MPPED2: variants seen among roughly 807,000 people sequenced by gnomAD.
MPPED2 encodes metallophosphoesterase MPPED2.
MPPED2 carries 5 observed loss-of-function variants against 33.0 expected under a neutral mutation model. The observed-to-expected ratio is 0.15, with a 90% CI of 0.08 to 0.32. MPPED2 has a LOEUF of 0.32. Ranked by LOEUF, MPPED2 falls within the 10% of genes least tolerant of loss-of-function variation. The pLI is 1.00. For missense variants in MPPED2, 275 were observed against 372.1 expected, an observed-to-expected ratio of 0.74 and a Z score of 2.15; for synonymous variants, 136 against 141.9, an observed-to-expected ratio of 0.96 and a Z score of 0.29.
At chr11:30,461,883 T>C (rs1950529513) in intron 4 of MPPED2, among the ~76,000 whole-genome samples, 1 of 152,208 alleles carries the variant, frequency 6.6e-6, no homozygotes, top group African/African-American at 2.4e-5. Flanking sequence ...AATGAAAACT[T>C]TGCTACGTTC....
At chr11:30,399,458 G>A (rs1947881004) in intron 6 of MPPED2, among the ~76,000 whole-genome samples, 1 of 152,060 alleles carries the variant, frequency 6.6e-6, no homozygotes. Context: ...CCTTTAAATT[G>A]GTATTTTATC....
intron 3 of MPPED2, among the ~76,000 whole-genome samples, chr11:30,519,284 A>T (rs1352876887): frequency 6.6e-6 from 1 of 152,010 alleles, no homozygotes; most frequent in Non-Finnish European, 1.5e-5. Flanking sequence ...CAAACAAACA[A>T]ACAAAATATA....
intron 4 of MPPED2, among the ~76,000 whole-genome samples, chr11:30,422,467 A>C (rs1948654005): frequency 6.6e-6 from 1 of 152,134 alleles, no homozygotes; most frequent in African/African-American, 2.4e-5. Context: ...TGAGAGAAAT[A>C]TCTACACAGA....
At chr11:30,430,349 A>G (rs1392649085) in intron 4 of MPPED2, among the ~76,000 whole-genome samples, 1 of 152,238 alleles carries the variant, frequency 6.6e-6, no homozygotes, top group Non-Finnish European at 1.5e-5. Context: ...ATATTAAAAA[A>G]AAGAATGTGA....
At chr11:30,419,570 T>C (rs1018438620) in intron 4 of MPPED2, among the ~76,000 whole-genome samples, 1 of 152,186 alleles carries the variant, frequency 6.6e-6, no homozygotes, top group Non-Finnish European at 1.5e-5. Flanking sequence ...TGAGTTTCTT[T>C]TGGAGAACCA....
chr11:30,423,111 C>G (rs571621607), intron 4 of MPPED2, among the ~76,000 whole-genome samples: 4 of 152,112 alleles, frequency 2.6e-5, no homozygotes, highest in Non-Finnish European at 4.4e-5. Flanking sequence ...GTACACAGTA[C>G]GGTGGTGCAG....
At chr11:30,543,135 T>C (rs142178064) in intron 2 of MPPED2, among the ~76,000 whole-genome samples, 25 of 152,288 alleles carry the variant, frequency 1.6e-4, no homozygotes, top group African/African-American at 5.8e-4. Context: ...AAAAAATGCA[T>C]ATTACAGGGA....
intron 2 of MPPED2, among the ~76,000 whole-genome samples, chr11:30,559,834 G>C (rs916144940): frequency 6.6e-6 from 1 of 152,018 alleles, no homozygotes; most frequent in Non-Finnish European, 1.5e-5. Flanking sequence ...TTTTCTTTTT[G>C]AAAATAGTCT....
chr11:30,558,050 T>A (rs966465224), intron 2 of MPPED2, among the ~76,000 whole-genome samples: 1 of 152,132 alleles, frequency 6.6e-6, no homozygotes, highest in Non-Finnish European at 1.5e-5. Context: ...CCAAGGACAA[T>A]CCTCAAAAAG....
intron 4 of MPPED2, among the ~76,000 whole-genome samples, chr11:30,431,995 CA>C (rs1289488591): frequency 6.6e-6 from 1 of 151,970 alleles, no homozygotes; most frequent in Non-Finnish European, 1.5e-5. Context: ...GCCAGTATGG[CA>C]AAACCCCATT....
chr11:30,456,175 T>A (rs1246717390), intron 4 of MPPED2, among the ~76,000 whole-genome samples: 2 of 152,186 alleles, frequency 1.3e-5, no homozygotes, highest in Non-Finnish European at 2.9e-5. Context: ...AAATAAGGAA[T>A]GAATGAAGAA....
chr11:30,407,250 C>A (rs934910258), downstream of MPPED2, among the ~76,000 whole-genome samples: 1 of 152,172 alleles, frequency 6.6e-6, no homozygotes, highest in Admixed American at 6.5e-5. Context: ...GAAAAGAATT[C>A]ACTAATTGCA....
At chr11:30,423,641 A>G (rs1007451389) in intron 4 of MPPED2, among the ~76,000 whole-genome samples, 26 of 152,226 alleles carry the variant, frequency 1.7e-4, no homozygotes, top group Non-Finnish European at 2.6e-4. Flanking sequence ...AGACTGGCCA[A>G]TTATTGGCTT....
chr11:30,565,944 T>C (rs1297476323), intron 2 of MPPED2, among the ~76,000 whole-genome samples: 1 of 152,146 alleles, frequency 6.6e-6, no homozygotes, highest in African/African-American at 2.4e-5. Flanking sequence ...TATGACGGTG[T>C]TATCTGTATT....
intron 4 of MPPED2, among the ~76,000 whole-genome samples, chr11:30,443,641 T>C (rs570445883): frequency 6.6e-5 from 10 of 152,292 alleles, no homozygotes; most frequent in Non-Finnish European, 1.0e-4. Context: ...GTTCAAATCA[T>C]GGCTCTGTAG....
Position 30,496,842 on chromosome 11 carries a change from T to A in MPPED2, c.311-1321A>T, listed in dbSNP as rs183837596. On this transcript the variant is annotated intron_variant, in intron 3 of 6. Coordinates refer to ENST00000358117, the MANE Select transcript of MPPED2 (RefSeq NM_001584.3). ...CACATCACAAACATATTTGCTAATA[T>A]TGAAGCAGTTTTTAAGACTGCCAAA... Among the ~76,000 whole-genome samples, 4 of 152,072 alleles carry A rather than the reference T, an allele frequency of 2.6e-5. No homozygotes were observed. The East Asian group carries it at 7.8e-4, about 30-fold the overall frequency.
intron 2 of MPPED2, among the ~76,000 whole-genome samples, 195 bp downstream of exon 2, chr11:30,580,051 T>C (rs911057371): frequency 1.4e-4 from 21 of 152,214 alleles, no homozygotes; most frequent in African/African-American, 5.1e-4. Context: ...TGGTTGAAAG[T>C]GCTCTGAAAA....
chr11:30,483,111 C>T (rs1213980619), intron 4 of MPPED2, among the ~76,000 whole-genome samples: 1 of 152,118 alleles, frequency 6.6e-6, no homozygotes, highest in African/African-American at 2.4e-5. Context: ...GAATTTGCCT[C>T]CGGTAAGAAT....
rs142734541 is a variant in MPPED2 at position 30,527,779 on chromosome 11, C to T, written c.310+8215G>A. On this transcript the variant is annotated intron_variant, in intron 3 of 6. Transcript: ENST00000358117. ...ATGACACAAGAGACTTCAGGGCCACCTTCTCCAAGTTCTCCCCTCCCCCTG... is the reference window on the plus strand; with the variant it reads ...ATGACACAAGAGACTTCAGGGCCACTTTCTCCAAGTTCTCCCCTCCCCCTG... Among the ~76,000 whole-genome samples the T allele has an allele frequency of 2.0e-5, 3 of 152,284 alleles. No homozygotes were observed. The East Asian group carries it at 5.8e-4, about 29-fold the overall frequency.
Sources: allele counts gnomAD v4.1 joint callset (sites outside exome capture counted in the v4.1 genomes callset), GRCh38; gene constraint gnomAD v4.1.1; transcripts MANE v1.5; gene names NCBI Gene and HGNC (gene_info 2026-07-23, HGNC 2026-07-21).